Variants in MCF2L2 observed in about 807,000 individuals in gnomAD.
MCF2L2 encodes the protein probable guanine nucleotide exchange factor MCF2L2.
Under a neutral mutation model 150.2 loss-of-function variants are expected in MCF2L2, and 102 were observed. The observed-to-expected ratio is 0.68, with a 90% CI of 0.58 to 0.80. MCF2L2 has a LOEUF of 0.80. MCF2L2 is among the 30% of genes least tolerant of loss of function. The pLI is 0.00. For missense variants in MCF2L2, 1,256 were observed against 1,372.8 expected, an observed-to-expected ratio of 0.91 and a Z score of 1.34; for synonymous variants, 465 against 491.3, an observed-to-expected ratio of 0.95 and a Z score of 0.71.
Position 183,273,072 on chromosome 3 carries a change from TA to T in MCF2L2, c.1862+3799del, listed in dbSNP as rs547878320. 1.1e-4 allele frequency: 156 copies of T among 1,468,650 alleles called. 1 individual carries two copies. The African/African-American group carries it at 2.0e-3, about 19-fold the overall frequency. 91.0% of individuals were successfully genotyped at this position (1,468,650 alleles called of 1,614,324 possible). Reference sequence around the variant, plus strand: ...AAGTACTGAGAAGAGTATCTGTAAATAAAAGGGTTCCAACCTTTTAAAAAAG... The same window carrying T: ...AAGTACTGAGAAGAGTATCTGTAAATAAAGGGTTCCAACCTTTTAAAAAAG... On this transcript the variant is annotated intron_variant, in intron 15 of 29. Transcript: ENST00000328913.
intron 2 of MCF2L2, among the ~76,000 whole-genome samples, chr3:183,384,779 A>G (rs971014789): frequency 1.3e-5 from 2 of 152,194 alleles, no homozygotes; most frequent in Admixed American, 6.5e-5. Context: ...CTGTCTGGGC[A>G]GCAGGCAAGG....
At chr3:183,423,831 T>C (rs73068983) in intron 1 of MCF2L2, among the ~76,000 whole-genome samples, 2,470 of 152,066 alleles carry the variant, frequency 0.016, 78 homozygotes, top group African/African-American at 0.056. Flanking sequence ...AGAGACAGGG[T>C]TGGTCAGGCT....
intron 16 of MCF2L2, 104 bp downstream of exon 16, chr3:183,230,847 T>C: frequency 1.3e-6 from 1 of 784,098 alleles, no homozygotes; most frequent in Non-Finnish European, 2.1e-6. Context: ...GAAACCTTGG[T>C]GGGAATTCTG....
Position 183,283,626 on chromosome 3 carries a change from A to G in MCF2L2, c.1776+5494T>C, listed in dbSNP as rs1471461720. Reference sequence around the variant, plus strand: ...ACCCTCTGCCTCCCAGGTTCAAGTGATTCTCCTGCCTCAGCCTCCTGAGTA... The same window carrying G: ...ACCCTCTGCCTCCCAGGTTCAAGTGGTTCTCCTGCCTCAGCCTCCTGAGTA... On this transcript the variant is annotated intron_variant, in intron 14 of 29. Transcript: ENST00000328913. The surrounding 1 kb of genome is among the most constrained non-coding windows in gnomAD (Gnocchi z 4.2). Among the ~76,000 whole-genome samples the G allele has an allele frequency of 6.6e-6, 1 of 151,520 alleles. No individual in the cohort carries two copies. Among genetic ancestry groups the G allele is most frequent in the Non-Finnish European group, 1.5e-5 (1 of 67,926 alleles).
intron 22 of MCF2L2, among the ~76,000 whole-genome samples, chr3:183,215,693 C>T (rs1203467405): frequency 6.6e-6 from 1 of 152,188 alleles, no homozygotes; most frequent in Non-Finnish European, 1.5e-5. Context: ...TTTTCCTCTG[C>T]CCATATATGT....
intron 1 of MCF2L2, among the ~76,000 whole-genome samples, chr3:183,408,974 T>A (rs1479808318): frequency 6.6e-6 from 1 of 152,246 alleles, no homozygotes; most frequent in Non-Finnish European, 1.5e-5. Flanking sequence ...ATAACTTTAT[T>A]AGATTATTAG....
chr3:183,395,706 G>A (rs1404935445), intron 1 of MCF2L2, among the ~76,000 whole-genome samples: 1 of 152,018 alleles, frequency 6.6e-6, no homozygotes, highest in Non-Finnish European at 1.5e-5. Context: ...ATCACCTGAG[G>A]TCAGGAGTTT....
At chr3:183,306,689 T>C (rs1729116324) in intron 10 of MCF2L2, among the ~76,000 whole-genome samples, 2 of 152,254 alleles carry the variant, frequency 1.3e-5, no homozygotes, top group African/African-American at 2.4e-5. Flanking sequence ...AATTGAATGA[T>C]GGACACTTGG....
At chr3:183,325,814 G>A (rs1433132781) in intron 5 of MCF2L2, among the ~76,000 whole-genome samples, 1 of 152,152 alleles carries the variant, frequency 6.6e-6, no homozygotes, top group Non-Finnish European at 1.5e-5. Flanking sequence ...AGCTTTAGAT[G>A]ACGAAGAGGA....
rs928325605 is a variant in MCF2L2 at position 183,305,123 on chromosome 3, A to C, written c.1113+4593T>G. ...AAGGGAAGTGGAGCACAATGGCCCA[A>C]GGTGACCCAGGTAGGAAAGAGAAGA... On this transcript the variant is annotated intron_variant, in intron 10 of 29. Coordinates refer to ENST00000328913, the MANE Select transcript of MCF2L2 (RefSeq NM_015078.4). This position sits in a 1 kb window ranked among gnomAD's most constrained non-coding sequence, Gnocchi z 4.1. 6.6e-6 allele frequency among the ~76,000 whole-genome samples: 1 copy of C among 152,198 alleles called. No individual in the cohort carries two copies. The highest frequency in any genetic ancestry group is 1.5e-5 in the Non-Finnish European group (1 of 68,028).
In MCF2L2 at chr3:183,206,427, G is replaced by A. The variant is rs577007591; in HGVS notation, c.2713-213C>T. On this transcript the variant is annotated intron_variant, in intron 23 of 29. Transcript: ENST00000328913. ...CTCATCTGTTTCAGAAGGTAACACAGACTGTTAACTTTCTACTGTATCTTT... is the reference window on the plus strand; with the variant it reads ...CTCATCTGTTTCAGAAGGTAACACAAACTGTTAACTTTCTACTGTATCTTT... 2.0e-5 allele frequency among the ~76,000 whole-genome samples: 3 copies of A among 152,336 alleles called. No individual in the cohort carries two copies. In the South Asian group the frequency reaches 6.2e-4, roughly 32 times the overall value.
At chr3:183,310,781 T>C (rs1729337583) in intron 9 of MCF2L2, 134 bp downstream of exon 9, 1 of 636,000 alleles carries the variant, frequency 1.6e-6, no homozygotes, top group Non-Finnish European at 2.8e-6. Flanking sequence ...GGGTGGTCTG[T>C]AAAGAAGCAA....
At chr3:183,383,462 C>T (rs1275652870) in intron 2 of MCF2L2, among the ~76,000 whole-genome samples, 3 of 151,944 alleles carry the variant, frequency 2.0e-5, no homozygotes, top group Admixed American at 2.0e-4. Flanking sequence ...TCTTAACTCC[C>T]GACCTCAGGT....
intron 14 of MCF2L2, among the ~76,000 whole-genome samples, chr3:183,284,493 GGAGTTC>G (rs1452400215): frequency 6.6e-6 from 1 of 152,154 alleles, no homozygotes; most frequent in African/African-American, 2.4e-5. Flanking sequence ...CCTGAGGTCA[GGAGTTC>G]GAGACCAGCC....
At chr3:183,302,035 T>C (rs73066047) in intron 10 of MCF2L2, among the ~76,000 whole-genome samples, 11,555 of 152,088 alleles carry the variant, frequency 0.076, 1,093 homozygotes, top group African/African-American at 0.22. Flanking sequence ...CAGAAGCTGC[T>C]GACATGACCA....
In MCF2L2 at chr3:183,361,077, G is replaced by GAAGAC. The variant is rs139125125; in HGVS notation, c.275+18215_275+18219dup. Among the ~76,000 whole-genome samples the GAAGAC allele has an allele frequency of 2.0e-3, 202 of 100,482 alleles. 6 individuals carry two copies. The highest frequency in any genetic ancestry group is 2.6e-3 in the East Asian group (7 of 2,742). 65.9% of individuals were successfully genotyped at this position (100,482 alleles called of 152,430 possible). A position where few individuals can be genotyped will look rare whatever the true frequency, so the allele number is the denominator to read the frequency against. On this transcript the variant is annotated intron_variant, in intron 3 of 29. Coordinates refer to ENST00000328913, the MANE Select transcript of MCF2L2 (RefSeq NM_015078.4). Reference sequence around the variant, plus strand: ...AGGAAAGACCAGATAAGACAGAAGAGAAGACAAGACAAGACAAGACAAGAC... The same window carrying GAAGAC: ...AGGAAAGACCAGATAAGACAGAAGAGAAGACAAGACAAGACAAGACAAGACAAGAC...
At chr3:183,277,780 T>C (rs1200844596) in intron 14 of MCF2L2, among the ~76,000 whole-genome samples, 1 of 149,988 alleles carries the variant, frequency 6.7e-6, no homozygotes, top group Non-Finnish European at 1.5e-5. Flanking sequence ...AGGAAACATA[T>C]ATATATGTTT....
Position 183,205,862 on chromosome 3 carries a change from C to T in MCF2L2, c.2884+14G>A, listed in dbSNP as rs1560340324. On this transcript the variant is annotated intron_variant, in intron 25 of 29. Coordinates refer to ENST00000328913, the MANE Select transcript of MCF2L2 (RefSeq NM_015078.4). The stretch of plus-strand genomic sequence containing the variant: ...GTATAACTCGACAGACGAAAGTCAG[C>T]AGGGGTAACCTACCTTTGATATTAT... 4 of 1,604,360 alleles carry T rather than the reference C, an allele frequency of 2.5e-6. No individual in the cohort carries two copies. Among genetic ancestry groups the T allele is most frequent in the African/African-American group, 1.3e-5 (1 of 74,812 alleles).
At chr3:183,280,737 A>G (rs1200557126) in intron 14 of MCF2L2, among the ~76,000 whole-genome samples, 3 of 151,578 alleles carry the variant, frequency 2.0e-5, no homozygotes, top group Admixed American at 6.6e-5. Flanking sequence ...ACTCCCAGCT[A>G]CTCGGGAGGC....
Sources: gnomAD v4.1 joint callset for allele counts (sites outside exome capture counted in the v4.1 genomes callset) on GRCh38, gnomAD v4.1.1 for gene constraint, Gnocchi (gnomAD v3.1) non-coding constraint, MANE v1.5 for transcripts, NCBI Gene and HGNC (gene_info 2026-07-23, HGNC 2026-07-21) for gene names.